SCHIP1: variants seen among roughly 807,000 people sequenced by gnomAD.
The protein encoded by SCHIP1 is schwannomin interacting protein 1, also known as schwannomin-interacting protein 1.
A neutral mutation model predicts 29.7 loss-of-function variants in SCHIP1; 8 were observed. The ratio of observed to expected loss-of-function variants is 0.27; its 90% CI spans 0.16 to 0.49. SCHIP1 has a LOEUF of 0.49. Among genes scored for constraint, SCHIP1 ranks in the 20% least tolerant of loss-of-function variants. The pLI, the probability that SCHIP1 is intolerant of heterozygous loss-of-function variation, is 0.99. For synonymous variants in SCHIP1, 76 were observed against 94.9 expected, an observed-to-expected ratio of 0.80 and a Z score of 1.16; for missense variants, 193 against 294.6, an observed-to-expected ratio of 0.66 and a Z score of 2.52.
chr3:159,878,972 T>G (rs989237325), intron 2 of SCHIP1, among the ~76,000 whole-genome samples: 23 of 151,338 alleles, frequency 1.5e-4, no homozygotes, highest in African/African-American at 5.5e-4. Context: ...TGCATATATC[T>G]CCATATTTTT....
chr3:159,830,312 T>C, the SCHIP1 span, among the ~76,000 whole-genome samples: 2 of 152,212 alleles, frequency 1.3e-5, no homozygotes, highest in East Asian at 3.8e-4. Context: ...AATAATTTTA[T>C]CCTGATAGAA....
the SCHIP1 span, among the ~76,000 whole-genome samples, chr3:159,520,122 G>C: frequency 1.3e-5 from 2 of 148,834 alleles, no homozygotes; most frequent in African/African-American, 4.9e-5. Context: ...AAAACTCCCA[G>C]CTCAGTGGAG....
the SCHIP1 span, among the ~76,000 whole-genome samples, chr3:159,714,369 C>T: frequency 6.6e-6 from 1 of 152,194 alleles, no homozygotes; most frequent in Admixed American, 6.5e-5. Flanking sequence ...ACCGGGTTCA[C>T]TGGGGCTTGT....
the SCHIP1 span, among the ~76,000 whole-genome samples, chr3:159,575,092 G>A: frequency 1.5e-4 from 23 of 152,234 alleles, no homozygotes; most frequent in East Asian, 1.4e-3. Context: ...GCTTTGGCTC[G>A]CCCTCCATGG....
the SCHIP1 span, among the ~76,000 whole-genome samples, chr3:159,626,171 T>C: frequency 1.9e-5 from 1 of 52,182 alleles, no homozygotes. Context: ...TCTAGATATA[T>C]CTATCTATCT....
chr3:159,631,194 T>C, the SCHIP1 span, among the ~76,000 whole-genome samples: 1 of 150,886 alleles, frequency 6.6e-6, no homozygotes, highest in African/African-American at 2.4e-5. Context: ...AAATAACAAG[T>C]GTTGGCAACA....
At chr3:159,583,907 G>T in the SCHIP1 span, among the ~76,000 whole-genome samples, 7 of 151,926 alleles carry the variant, frequency 4.6e-5, no homozygotes, top group African/African-American at 1.7e-4. Context: ...TTATTCTCTC[G>T]CTGAGTACTT....
chr3:159,639,032 C>A, the SCHIP1 span, among the ~76,000 whole-genome samples: 1 of 151,864 alleles, frequency 6.6e-6, no homozygotes, highest in African/African-American at 2.4e-5. Context: ...CTTCTTTAAT[C>A]TTTTGTAATT....
chr3:159,453,826 C>T, the SCHIP1 span, among the ~76,000 whole-genome samples: 1 of 152,178 alleles, frequency 6.6e-6, no homozygotes, highest in Non-Finnish European at 1.5e-5. Context: ...GCCTTCTGCT[C>T]ATCCTTCAAG....
At chr3:159,395,267 C>T in the SCHIP1 span, among the ~76,000 whole-genome samples, 3 of 152,116 alleles carry the variant, frequency 2.0e-5, no homozygotes, top group Admixed American at 2.0e-4. Context: ...TTTCAAAACA[C>T]CAGCTCCTAG....
chr3:159,609,753 T>C, the SCHIP1 span, among the ~76,000 whole-genome samples: 1 of 152,134 alleles, frequency 6.6e-6, no homozygotes, highest in Non-Finnish European at 1.5e-5. Context: ...GAGTGTTATG[T>C]GAGAGATAAA....
At chr3:159,637,949 A>G in the SCHIP1 span, among the ~76,000 whole-genome samples, 1 of 152,242 alleles carries the variant, frequency 6.6e-6, no homozygotes, top group Non-Finnish European at 1.5e-5. Context: ...GAAGAGTTAC[A>G]TGTAGTCCAT....
chr3:159,536,584 C>T, the SCHIP1 span, among the ~76,000 whole-genome samples: 1 of 152,140 alleles, frequency 6.6e-6, no homozygotes, highest in Admixed American at 6.6e-5. Context: ...TACCAACATC[C>T]TAATCCACCC....
At chr3:159,757,967 C>T in the SCHIP1 span, among the ~76,000 whole-genome samples, 88 of 152,254 alleles carry the variant, frequency 5.8e-4, 1 homozygote, top group African/African-American at 1.8e-3. Context: ...AGAAGGCATG[C>T]GGTTTTGGAG....
chr3:159,392,581 T>C, the SCHIP1 span, among the ~76,000 whole-genome samples: 1 of 151,892 alleles, frequency 6.6e-6, no homozygotes, highest in Admixed American at 6.6e-5. Context: ...TTTGTTCTTG[T>C]GATAGTTTAC....
At chr3:159,506,192 G>C in the SCHIP1 span, among the ~76,000 whole-genome samples, 1 of 152,160 alleles carries the variant, frequency 6.6e-6, no homozygotes, top group East Asian at 1.9e-4. Context: ...TCTCATTGTG[G>C]TTTTGATTTG....
chr3:159,811,671 A>C, the SCHIP1 span, among the ~76,000 whole-genome samples: 2 of 152,202 alleles, frequency 1.3e-5, no homozygotes, highest in Non-Finnish European at 2.9e-5. Context: ...AGTACCACAC[A>C]GTCTTAATTA....
the SCHIP1 span, among the ~76,000 whole-genome samples, chr3:159,344,859 A>C: frequency 6.6e-6 from 1 of 152,236 alleles, no homozygotes; most frequent in Admixed American, 6.5e-5. Context: ...TAAGATGTTA[A>C]CAGTAGGGAA....
the SCHIP1 span, among the ~76,000 whole-genome samples, chr3:159,395,626 G>A: frequency 2.0e-5 from 3 of 152,038 alleles, no homozygotes; most frequent in African/African-American, 7.3e-5. Context: ...GTAGTTGAGT[G>A]GTTTTGAGTG....
Sources: gnomAD v4.1 joint callset for allele counts (sites outside exome capture counted in the v4.1 genomes callset) on GRCh38, gnomAD v4.1.1 for gene constraint, MANE v1.5 for transcripts, NCBI Gene and HGNC (gene_info 2026-07-23, HGNC 2026-07-21) for gene names.